The following FSIP1 variants were observed in gnomAD, a reference collection of about 807,000 sequenced individuals.
FSIP1 encodes the protein fibrous sheath interacting protein 1.
Under a neutral mutation model 60.9 loss-of-function variants are expected in FSIP1, and 65 were observed. The observed-to-expected ratio is 1.07, with a 90% CI of 0.87 to 1.31. FSIP1 has a LOEUF of 1.31. Ranked by LOEUF, FSIP1 falls within the 40% of genes most tolerant of loss-of-function variation. The pLI is 0.00. For missense variants in FSIP1, 675 were observed against 665.5 expected, an observed-to-expected ratio of 1.01 and a Z score of -0.16; for synonymous variants, 209 against 221.2, an observed-to-expected ratio of 0.94 and a Z score of 0.49.
At chr15:39,628,755 C>T (rs997855532) in intron 10 of FSIP1, among the ~76,000 whole-genome samples, 12 of 152,120 alleles carry the variant, frequency 7.9e-5, no homozygotes, top group South Asian at 4.1e-4. Flanking sequence ...CTTTAGATTC[C>T]GGCTCTCTCA....
At chr15:39,626,252 G>C (rs562715643) in intron 10 of FSIP1, among the ~76,000 whole-genome samples, 3 of 152,136 alleles carry the variant, frequency 2.0e-5, no homozygotes, top group Admixed American at 2.0e-4. Flanking sequence ...TTGAAGAGAA[G>C]GTATCCTCAG....
chr15:39,768,756 AG>A (rs1897776208), intron 3 of FSIP1, among the ~76,000 whole-genome samples: 2 of 152,366 alleles, frequency 1.3e-5, no homozygotes, highest in African/African-American at 4.8e-5. Context: ...AAAACTTAAC[AG>A]GGGTGGTTTC....
intron 6 of FSIP1, among the ~76,000 whole-genome samples, chr15:39,740,758 C>T (rs1395765048): frequency 6.6e-6 from 1 of 151,908 alleles, no homozygotes; most frequent in Non-Finnish European, 1.5e-5. Context: ...ACAGATATAA[C>T]CATTTAAAAT....
At chr15:39,623,640 T>C (rs1408088364) in intron 10 of FSIP1, among the ~76,000 whole-genome samples, 1 of 152,226 alleles carries the variant, frequency 6.6e-6, no homozygotes, top group African/African-American at 2.4e-5. Context: ...CAAGGTTTTT[T>C]GGCTATAAGG....
At chr15:39,774,063 A>T (rs1897974629) in intron 2 of FSIP1, among the ~76,000 whole-genome samples, 1 of 152,266 alleles carries the variant, frequency 6.6e-6, no homozygotes, top group African/African-American at 2.4e-5. Flanking sequence ...CAACTGAGAT[A>T]CAATATTAAT....
intron 10 of FSIP1, among the ~76,000 whole-genome samples, chr15:39,712,729 T>C (rs924639909): frequency 6.6e-6 from 1 of 152,140 alleles, no homozygotes; most frequent in Non-Finnish European, 1.5e-5. Flanking sequence ...ACAGAGCAAT[T>C]CTAAGAGGTT....
intron 2 of FSIP1, among the ~76,000 whole-genome samples, chr15:39,771,951 C>T (rs1308586516): frequency 6.6e-6 from 1 of 152,162 alleles, no homozygotes; most frequent in Non-Finnish European, 1.5e-5. Flanking sequence ...ACTTAGCAGA[C>T]CTTCCTCTGC....
chr15:39,656,078 G>C (rs1893058879), intron 10 of FSIP1, among the ~76,000 whole-genome samples: 1 of 152,062 alleles, frequency 6.6e-6, no homozygotes, highest in Admixed American at 6.5e-5. Context: ...ACACAGAGAG[G>C]GGAAGACATG....
intron 10 of FSIP1, among the ~76,000 whole-genome samples, chr15:39,672,109 G>A (rs749795775): frequency 7.2e-5 from 11 of 152,180 alleles, no homozygotes; most frequent in African/African-American, 9.7e-5. Flanking sequence ...GGAGACTAGC[G>A]ACTACCTCCT....
chr15:39,760,732 AT>A (rs1397173166), intron 5 of FSIP1, among the ~76,000 whole-genome samples: 3 of 152,200 alleles, frequency 2.0e-5, no homozygotes, highest in Non-Finnish European at 4.4e-5. Flanking sequence ...ATACTAGTAA[AT>A]AAAAAGGACA....
chr15:39,699,327 GC>G (rs1423175292), intron 10 of FSIP1, among the ~76,000 whole-genome samples: 1 of 152,152 alleles, frequency 6.6e-6, no homozygotes, highest in Non-Finnish European at 1.5e-5. Context: ...ACGAATAAAT[GC>G]CTAGGGATAA....
At chr15:39,738,657 G>A (rs563934120) in intron 7 of FSIP1, among the ~76,000 whole-genome samples, 18 of 152,154 alleles carry the variant, frequency 1.2e-4, no homozygotes, top group Admixed American at 2.6e-4. Flanking sequence ...AGAAATCTAC[G>A]GTAGACCTGC....
chr15:39,700,764 C>T lies in FSIP1; in HGVS notation c.1188+12680G>A, dbSNP rs117376399. ...TCAGCAGAAGAATCCAGTTACACAA[C>T]GATTCTTGAGCATCTGCAAAGGATG... On this transcript the variant is annotated intron_variant, in intron 10 of 11. Transcript: ENST00000350221. Among the ~76,000 whole-genome samples, 333 of 152,298 alleles carry T rather than the reference C, an allele frequency of 2.2e-3. 2 individuals carry two copies. Among genetic ancestry groups the T allele is most frequent in the Non-Finnish European group, 3.8e-3 (258 of 68,026 alleles).
intron 11 of FSIP1, among the ~76,000 whole-genome samples, chr15:39,616,601 C>A (rs1052859503): frequency 2.6e-5 from 4 of 152,108 alleles, no homozygotes; most frequent in Non-Finnish European, 5.9e-5. Flanking sequence ...ATCATTAGAC[C>A]AGATTAGCTA....
chr15:39,613,789 A>G (rs1361275360), intron 11 of FSIP1, among the ~76,000 whole-genome samples: 1 of 152,250 alleles, frequency 6.6e-6, no homozygotes, highest in Non-Finnish European at 1.5e-5. Context: ...GTATGCAAGG[A>G]TGGTTCAGCA....
At chr15:39,717,752 T>C (rs1595656095) in intron 9 of FSIP1, among the ~76,000 whole-genome samples, 1 of 152,196 alleles carries the variant, frequency 6.6e-6, no homozygotes, top group East Asian at 1.9e-4. Flanking sequence ...GCAAGAAACG[T>C]GCCCAGCCAC....
At chr15:39,725,910 G>A (rs976159539) in intron 9 of FSIP1, among the ~76,000 whole-genome samples, 4 of 151,594 alleles carry the variant, frequency 2.6e-5, no homozygotes, top group South Asian at 2.1e-4. Context: ...TCAGCCTCTC[G>A]AGTAGCTGGG....
chr15:39,622,167 T>C (rs190396346), intron 10 of FSIP1, among the ~76,000 whole-genome samples: 2 of 150,528 alleles, frequency 1.3e-5, no homozygotes, highest in African/African-American at 4.9e-5. Context: ...AGTAACCATC[T>C]GTTCAAGTAT....
chr15:39,739,108 T>C (rs1018093830), intron 7 of FSIP1, among the ~76,000 whole-genome samples: 1 of 152,166 alleles, frequency 6.6e-6, no homozygotes, highest in African/African-American at 2.4e-5. Context: ...GAATCTGCCT[T>C]AAAGACAGGC....
Sources: gnomAD v4.1 joint callset for allele counts (sites outside exome capture counted in the v4.1 genomes callset) on GRCh38, gnomAD v4.1.1 for gene constraint, MANE v1.5 for transcripts, NCBI Gene and HGNC (gene_info 2026-07-23, HGNC 2026-07-21) for gene names.